The following DCDC1 variants were observed in gnomAD, a reference collection of about 807,000 sequenced individuals.
DCDC1 encodes doublecortin domain-containing protein 1.
DCDC1 carries 200 observed loss-of-function variants against 178.3 expected under a neutral mutation model. That is an observed-to-expected ratio of 1.12 (90% CI 1.00 to 1.26). The LOEUF is 1.26. DCDC1 is among the 50% of genes most tolerant of loss of function. The pLI is 0.00. For synonymous variants in DCDC1, 690 were observed against 604.8 expected (o/e 1.14, Z -2.07); for missense variants, 1,983 against 1,749.2 (o/e 1.13, Z -2.38).
intron 9 of DCDC1, among the ~76,000 whole-genome samples, chr11:31,163,462 C>T (rs1435032223): frequency 6.6e-6 from 1 of 151,978 alleles, no homozygotes; most frequent in Non-Finnish European, 1.5e-5. Context: ...TTGTTCTTAT[C>T]TTTGATTTCA....
chr11:31,014,801 T>G (rs1254969618), intron 20 of DCDC1, among the ~76,000 whole-genome samples: 1 of 152,114 alleles, frequency 6.6e-6, no homozygotes, highest in Non-Finnish European at 1.5e-5. Flanking sequence ...GCACTACTTT[T>G]AAGGGAGATC....
At chr11:31,150,930 G>A (rs1439354662) in intron 9 of DCDC1, among the ~76,000 whole-genome samples, 5 of 152,170 alleles carry the variant, frequency 3.3e-5, no homozygotes, top group Non-Finnish European at 7.3e-5. Context: ...GGCAATGGAA[G>A]ATTAATAAAT....
intron 9 of DCDC1, among the ~76,000 whole-genome samples, chr11:31,190,639 C>A (rs954893645): frequency 2.0e-5 from 3 of 152,198 alleles, no homozygotes; most frequent in African/African-American, 7.2e-5. Flanking sequence ...CCCTGATTTA[C>A]AATCCCACTA....
intron 7 of DCDC1, among the ~76,000 whole-genome samples, chr11:31,284,153 A>T (rs891209942): frequency 4.6e-5 from 7 of 152,182 alleles, no homozygotes; most frequent in African/African-American, 1.7e-4. Context: ...GTTGTATAGA[A>T]TGGAATGGCC....
chr11:30,978,393 G>A (rs956537599), intron 20 of DCDC1, among the ~76,000 whole-genome samples: 2 of 152,166 alleles, frequency 1.3e-5, no homozygotes, highest in African/African-American at 4.8e-5. Flanking sequence ...ACAAAGTCTA[G>A]CACAATATCT....
chr11:31,110,989 A>G (rs984252264), intron 11 of DCDC1, among the ~76,000 whole-genome samples: 7 of 144,962 alleles, frequency 4.8e-5, no homozygotes, highest in Admixed American at 4.2e-4. Context: ...AAAAAAAAAA[A>G]TGCTAGCAAA....
chr11:31,286,527 T>C (rs1050366097), intron 7 of DCDC1, among the ~76,000 whole-genome samples: 3 of 151,942 alleles, frequency 2.0e-5, no homozygotes, highest in African/African-American at 4.8e-5. Context: ...TAATTATGAA[T>C]CAATTATTAT....
chr11:30,887,896 A>G (rs1943317778), intron 36 of DCDC1, among the ~76,000 whole-genome samples: 1 of 151,456 alleles, frequency 6.6e-6, no homozygotes, highest in Non-Finnish European at 1.5e-5. Flanking sequence ...GTAGTCCCAG[A>G]TACTTGGGAG....
rs767678433 is a variant in DCDC1, at chr11:31,306,400, G to C, written c.435-12C>G. 1.1e-5 allele frequency: 18 copies of C among 1,570,140 alleles called. No homozygotes were observed. The highest frequency in any genetic ancestry group is 1.5e-5 in the Non-Finnish European group (18 of 1,164,558). ...AGAACTCTGCAACCCTGAAGAAAAA[G>C]AAAAACAGAAAAATTGATGCATGCT... On this transcript the variant is annotated splice_polypyrimidine_tract_variant and intron_variant, in intron 4 of 38. Transcript: ENST00000684477.
At chr11:31,354,107 G>GA (rs1263116035) in intron 1 of DCDC1, among the ~76,000 whole-genome samples, 2 of 152,108 alleles carry the variant, frequency 1.3e-5, no homozygotes, top group Admixed American at 1.3e-4. Flanking sequence ...CCAACATGGT[G>GA]AAATCCTGTC....
intron 20 of DCDC1, among the ~76,000 whole-genome samples, chr11:30,995,129 GAAACT>G (rs1324566299): frequency 6.6e-6 from 1 of 151,968 alleles, no homozygotes; most frequent in East Asian, 1.9e-4. Context: ...AATAAAATTT[GAAACT>G]AAATCTCAAA....
chr11:31,159,652 A>C (rs1966109678), intron 9 of DCDC1, among the ~76,000 whole-genome samples: 1 of 152,248 alleles, frequency 6.6e-6, no homozygotes, highest in Non-Finnish European at 1.5e-5. Flanking sequence ...CTCATGCTTC[A>C]AGAAAGAAAA....
intron 9 of DCDC1, among the ~76,000 whole-genome samples, chr11:31,235,576 T>C (rs1380051748): frequency 1.3e-5 from 2 of 152,008 alleles, no homozygotes. Flanking sequence ...ATTCAAAAAG[T>C]ATTATAAAAT....
chr11:31,036,814 CT>C (rs559229010), intron 20 of DCDC1, among the ~76,000 whole-genome samples: 58 of 151,990 alleles, frequency 3.8e-4, no homozygotes, highest in African/African-American at 1.4e-3. Context: ...CAGGGATTTA[CT>C]TTTTTTTCTT....
intron 8 of DCDC1, among the ~76,000 whole-genome samples, chr11:31,250,291 C>A (rs928860248): frequency 7.8e-6 from 1 of 129,028 alleles, no homozygotes; most frequent in African/African-American, 2.6e-5. Flanking sequence ...TACTTAGTAT[C>A]CAAAACAAGG....
At chr11:30,983,692 T>A (rs1313896333) in intron 20 of DCDC1, among the ~76,000 whole-genome samples, 2 of 152,186 alleles carry the variant, frequency 1.3e-5, no homozygotes. Context: ...AGTGACTAAG[T>A]TCAATTTGCT....
At chr11:31,215,099 T>C in intron 9 of DCDC1, 1 of 211,290 alleles carries the variant, frequency 4.7e-6, no homozygotes, top group Non-Finnish European at 9.7e-6. Flanking sequence ...AAAATTAAAC[T>C]TATCTAAAGC....
rs71060475 is a variant in DCDC1 at position 30,971,603 on chromosome 11, G to GTTT, written c.2592-19038_2592-19036dup. On this transcript the variant is annotated intron_variant, in intron 20 of 38. Transcript: ENST00000684477. ...TTTCTGAACTTAAAAACAGGCCTTT[G>GTTT]TTTTTTTTTTTTTTTTTTTTTTTTG... Among the ~76,000 whole-genome samples the GTTT allele has an allele frequency of 7.0e-3, 581 of 83,566 alleles. 20 individuals carry two copies. Among genetic ancestry groups the GTTT allele is most frequent in the African/African-American group, 0.022 (433 of 19,792 alleles). The allele number at this position is 83,566 out of a possible 152,430, so 54.8% of individuals were successfully genotyped here.
At chr11:31,101,991 C>T (rs140773290) in intron 15 of DCDC1, among the ~76,000 whole-genome samples, 186 bp downstream of exon 15, 29 of 151,668 alleles carry the variant, frequency 1.9e-4, no homozygotes, top group African/African-American at 6.5e-4. Context: ...GCGGGAGAAT[C>T]GCTTGAACCC....
Sources: gnomAD v4.1 joint callset for allele counts (sites outside exome capture counted in the v4.1 genomes callset) on GRCh38, gnomAD v4.1.1 for gene constraint, MANE v1.5 for transcripts, NCBI Gene and HGNC (gene_info 2026-07-23, HGNC 2026-07-21) for gene names.